The following ZFPM2 variants were observed in gnomAD, a reference collection of about 807,000 sequenced individuals.
ZFPM2 encodes zinc finger protein ZFPM2.
In ZFPM2, 20 loss-of-function variants were observed where a neutral mutation model predicts 98.6. That is an observed-to-expected ratio of 0.20 (90% confidence interval 0.14 to 0.29). The LOEUF (loss-of-function observed/expected upper bound fraction) is 0.29. Ranked by LOEUF, ZFPM2 falls within the 10% of genes least tolerant of loss-of-function variation. The probability of loss-of-function intolerance (pLI) is 1.00; values close to 1 mark genes in which losing one functional copy is unlikely to be tolerated. For missense variants in ZFPM2, 1,310 were observed against 1,388.6 expected (o/e 0.94, Z 0.90); for synonymous variants, 518 against 502.7 (o/e 1.03, Z -0.41).
chr8:105,741,138 C>T (rs1370210712), intron 5 of ZFPM2, among the ~76,000 whole-genome samples: 2 of 151,918 alleles, frequency 1.3e-5, no homozygotes, highest in Admixed American at 6.6e-5. Context: ...AGAAGGAACA[C>T]CAGAGAAGTG....
At chr8:105,340,353 A>T (rs1245977738) in intron 1 of ZFPM2, among the ~76,000 whole-genome samples, 1 of 151,934 alleles carries the variant, frequency 6.6e-6, no homozygotes, top group Non-Finnish European at 1.5e-5. Context: ...CGTACCCATA[A>T]CAACAAAAAT....
intron 5 of ZFPM2, among the ~76,000 whole-genome samples, chr8:105,732,344 C>A (rs140478592): frequency 6.6e-6 from 1 of 151,742 alleles, no homozygotes; most frequent in Non-Finnish European, 1.5e-5. Context: ...GAAATACATG[C>A]GAATGAATGT....
intron 3 of ZFPM2, among the ~76,000 whole-genome samples, chr8:105,542,506 A>AT (rs772475754): frequency 6.6e-6 from 1 of 152,236 alleles, no homozygotes; most frequent in Admixed American, 6.5e-5. Context: ...GAGTTCCAGA[A>AT]TTTTTTTCAA....
intron 6 of ZFPM2, chr8:105,795,813 G>C (rs528090684): frequency 2.0e-6 from 1 of 489,450 alleles, no homozygotes; most frequent in African/African-American, 1.9e-5. Flanking sequence ...CTGTGTTCTA[G>C]CCATATCTGA....
Position 105,444,468 on chromosome 8 carries a change from C to CA in ZFPM2, c.301+93dup. On this transcript the variant is annotated intron_variant, in intron 3 of 7. Coordinates refer to ENST00000407775, the MANE Select transcript of ZFPM2 (RefSeq NM_012082.4). ...TTTTTCTTGAACATCAGTTAGCTTG[C>CA]AAAAAATGTTTTTGTGTGTGCTGGT... The CA allele has an allele frequency of 3.1e-6, 3 of 961,600 alleles. No homozygotes were observed. In the South Asian group the frequency reaches 5.3e-5, roughly 17 times the overall value. The allele number at this position is 961,600 out of a possible 1,614,324, so 59.6% of individuals were successfully genotyped here.
Position 105,561,490 on chromosome 8 carries a change from A to G in ZFPM2, c.420+9A>G, listed in dbSNP as rs748722603. 3.2e-6 allele frequency: 5 copies of G among 1,579,208 alleles called. No individual in the cohort carries two copies. Among genetic ancestry groups the G allele is most frequent in the South Asian group, 1.1e-5 (1 of 87,672 alleles). On this transcript the variant is annotated intron_variant, in intron 4 of 7. Transcript: ENST00000407775. Reference sequence around the variant, plus strand: ...TGAATAATAATTCTTTGGTATGTGGATATTCCGAGATGGTTAATATTTTGT... The same window carrying G: ...TGAATAATAATTCTTTGGTATGTGGGTATTCCGAGATGGTTAATATTTTGT...
At chr8:105,583,564 A>C (rs1173523801) in intron 4 of ZFPM2, among the ~76,000 whole-genome samples, 1 of 152,220 alleles carries the variant, frequency 6.6e-6, no homozygotes, top group South Asian at 2.1e-4. Context: ...TTTCATCTGC[A>C]AAGACAGTAA....
chr8:105,453,969 G>C (rs1408760824), intron 3 of ZFPM2, among the ~76,000 whole-genome samples: 1 of 151,626 alleles, frequency 6.6e-6, no homozygotes, highest in East Asian at 1.9e-4. Flanking sequence ...TAATAAATGA[G>C]GACTTTTGTT....
At chr8:105,431,719 G>C (rs1812023454) in intron 2 of ZFPM2, among the ~76,000 whole-genome samples, 1 of 151,974 alleles carries the variant, frequency 6.6e-6, no homozygotes, top group Admixed American at 6.6e-5. Flanking sequence ...TTTGACACCA[G>C]GTTGGCAACA....
intron 6 of ZFPM2, among the ~76,000 whole-genome samples, chr8:105,793,221 T>C (rs949331056): frequency 1.3e-5 from 2 of 152,226 alleles, no homozygotes; most frequent in African/African-American, 2.4e-5. Context: ...CAGCAGCTGG[T>C]ACCAGTTGTT....
intron 3 of ZFPM2, among the ~76,000 whole-genome samples, chr8:105,508,054 G>T (rs1813739200): frequency 6.6e-6 from 1 of 152,190 alleles, no homozygotes; most frequent in African/African-American, 2.4e-5. Context: ...GGTCTTCACT[G>T]AGAAGCTGCA....
chr8:105,573,316 G>T (rs1212556531), intron 4 of ZFPM2, among the ~76,000 whole-genome samples: 7 of 152,160 alleles, frequency 4.6e-5, no homozygotes, highest in Admixed American at 1.3e-4. Context: ...GAAGGGAATT[G>T]TGCAGAGCTT....
intron 4 of ZFPM2, among the ~76,000 whole-genome samples, chr8:105,573,926 T>C (rs1414136043): frequency 1.3e-5 from 2 of 152,174 alleles, no homozygotes; most frequent in Admixed American, 6.5e-5. Context: ...TTTTATAAAA[T>C]AGGGGTTATT....
intron 5 of ZFPM2, among the ~76,000 whole-genome samples, chr8:105,735,022 A>C (rs138174600): frequency 0.02 from 2,955 of 149,492 alleles, 43 homozygotes; most frequent in South Asian, 0.047. Context: ...ATTGGTGTGA[A>C]AGTTATTGCA....
intron 5 of ZFPM2, among the ~76,000 whole-genome samples, chr8:105,711,696 T>C (rs10955401): frequency 0.21 from 31,742 of 151,824 alleles, 7,221 homozygotes; most frequent in African/African-American, 0.57. Flanking sequence ...TTCTTCCTTG[T>C]TTCTGAATAT....
At chr8:105,693,975 CTTTTCTTTTTTTTTT>C (rs1224542337) in intron 5 of ZFPM2, among the ~76,000 whole-genome samples, 3 of 108,518 alleles carry the variant, frequency 2.8e-5, no homozygotes, top group East Asian at 2.5e-4. Context: ...TTCTTTTTTT[CTTTTCTTTTTTTTTT>C]TTTTTTTTTT....
intron 3 of ZFPM2, among the ~76,000 whole-genome samples, chr8:105,526,679 T>C (rs1814180881): frequency 1.3e-5 from 2 of 152,184 alleles, no homozygotes; most frequent in South Asian, 4.1e-4. Context: ...AAAACGCTGA[T>C]GGAAAACGAA....
chr8:105,598,119 C>G (rs569508475), intron 4 of ZFPM2, among the ~76,000 whole-genome samples: 15 of 149,582 alleles, frequency 1.0e-4, no homozygotes, highest in Non-Finnish European at 1.9e-4. Context: ...CAGCATTGGC[C>G]CAGAATGCCT....
intron 3 of ZFPM2, among the ~76,000 whole-genome samples, chr8:105,462,429 G>C (rs964115459): frequency 3.9e-5 from 6 of 152,250 alleles, no homozygotes; most frequent in African/African-American, 1.4e-4. Flanking sequence ...AAGAAGGCTG[G>C]ACGAGGGAGA....
Sources: allele counts gnomAD v4.1 joint callset (sites outside exome capture counted in the v4.1 genomes callset), GRCh38; gene constraint gnomAD v4.1.1; transcripts MANE v1.5; gene names NCBI Gene and HGNC (gene_info 2026-07-23, HGNC 2026-07-21).